Variants in GABRB2 observed in about 807,000 individuals in gnomAD.
GABRB2 encodes the protein gamma-aminobutyric acid receptor subunit beta-2.
In GABRB2, 16 loss-of-function variants were observed where a neutral mutation model predicts 54.7. The ratio of observed to expected loss-of-function variants is 0.29; its 90% CI spans 0.20 to 0.44. The LOEUF (loss-of-function observed/expected upper bound fraction) is 0.44. GABRB2 is among the 20% of genes least tolerant of loss of function. GABRB2 has a pLI of 1.00. For synonymous variants in GABRB2, 244 were observed against 233.8 expected (o/e 1.04, Z -0.40); for missense variants, 355 against 644.0 (o/e 0.55, Z 4.86).
intron 3 of GABRB2, among the ~76,000 whole-genome samples, chr5:161,493,294 G>C (rs1299992388): frequency 6.6e-6 from 1 of 151,564 alleles, no homozygotes; most frequent in East Asian, 1.9e-4. Flanking sequence ...TGATACAAAT[G>C]AGATGCTTAG....
At chr5:161,364,918 A>T (rs1021753446) in intron 5 of GABRB2, among the ~76,000 whole-genome samples, 7 of 152,044 alleles carry the variant, frequency 4.6e-5, no homozygotes, top group African/African-American at 7.2e-5. Flanking sequence ...TAATTAAGAA[A>T]TTTTTTTCTG....
intron 4 of GABRB2, among the ~76,000 whole-genome samples, chr5:161,420,490 C>A (rs1271983476): frequency 3.3e-5 from 5 of 152,180 alleles, no homozygotes; most frequent in African/African-American, 1.2e-4. Flanking sequence ...GGCTTCAGGG[C>A]AGATGTGGCC....
At chr5:161,500,757 C>T (rs375312553) in intron 3 of GABRB2, among the ~76,000 whole-genome samples, 1 of 152,102 alleles carries the variant, frequency 6.6e-6, no homozygotes, top group Non-Finnish European at 1.5e-5. Context: ...TGTTTCCAAA[C>T]ATAACAGGCA....
chr5:161,468,283 C>T (rs1354697965), intron 3 of GABRB2, among the ~76,000 whole-genome samples: 4 of 152,058 alleles, frequency 2.6e-5, no homozygotes, highest in African/African-American at 9.7e-5. Flanking sequence ...GCCTATGTAA[C>T]CTGGATTCTG....
chr5:161,495,462 A>C (rs80332383), intron 3 of GABRB2, among the ~76,000 whole-genome samples: 2,898 of 152,124 alleles, frequency 0.019, 41 homozygotes, highest in Non-Finnish European at 0.03. Flanking sequence ...CTTCTATTTC[A>C]CTGATTTTAA....
At chr5:161,334,090 G>A (rs532834499) in intron 7 of GABRB2, among the ~76,000 whole-genome samples, 2 of 152,148 alleles carry the variant, frequency 1.3e-5, no homozygotes, top group Non-Finnish European at 2.9e-5. Flanking sequence ...GAGATCTAAT[G>A]GTAAAAGTGA....
intron 4 of GABRB2, among the ~76,000 whole-genome samples, chr5:161,451,370 A>G (rs909112537): frequency 2.0e-5 from 3 of 152,148 alleles, no homozygotes; most frequent in Non-Finnish European, 4.4e-5. Flanking sequence ...AAGACAAACA[A>G]TTGTTTTTAG....
intron 3 of GABRB2, among the ~76,000 whole-genome samples, chr5:161,505,654 C>G (rs1397216162): frequency 6.6e-6 from 1 of 152,144 alleles, no homozygotes; most frequent in Non-Finnish European, 1.5e-5. Context: ...TCAGTTAATA[C>G]ATTTCCGTGA....
chr5:161,510,562 A>G (rs72813602), intron 3 of GABRB2, among the ~76,000 whole-genome samples: 10,625 of 151,956 alleles, frequency 0.07, 537 homozygotes, highest in Middle Eastern at 0.096. Flanking sequence ...ATCTTTTATT[A>G]CATAGCATTT....
intron 3 of GABRB2, among the ~76,000 whole-genome samples, chr5:161,477,400 G>A (rs1333662079): frequency 6.6e-6 from 1 of 151,588 alleles, no homozygotes; most frequent in Admixed American, 6.6e-5. Context: ...CAGTATGGCT[G>A]TTCCTAAAAA....
intron 5 of GABRB2, among the ~76,000 whole-genome samples, chr5:161,341,971 A>ATATG (rs1326417978): frequency 7.9e-4 from 21 of 26,640 alleles, no homozygotes; most frequent in African/African-American, 1.4e-3. Context: ...ATATATATAC[A>ATATG]TACTTTATTA....
chr5:161,418,800 A>T (rs767777993), intron 4 of GABRB2, among the ~76,000 whole-genome samples: 4 of 152,180 alleles, frequency 2.6e-5, no homozygotes, highest in Non-Finnish European at 5.9e-5. Context: ...AAGAAAAAAA[A>T]TAACATCATT....
intron 3 of GABRB2, among the ~76,000 whole-genome samples, chr5:161,470,115 T>G (rs903660889): frequency 8.6e-5 from 13 of 151,782 alleles, no homozygotes; most frequent in African/African-American, 3.1e-4. Flanking sequence ...CTTTCCTGTC[T>G]ATCCAAACCC....
At chr5:161,513,199 T>G (rs564697822) in intron 3 of GABRB2, among the ~76,000 whole-genome samples, 1 of 152,108 alleles carries the variant, frequency 6.6e-6, no homozygotes, top group Admixed American at 6.6e-5. Flanking sequence ...AAGAACTACT[T>G]AAGCTACTTA....
intron 4 of GABRB2, among the ~76,000 whole-genome samples, chr5:161,437,908 G>A (rs1280490779): frequency 1.3e-5 from 2 of 152,186 alleles, no homozygotes; most frequent in Non-Finnish European, 2.9e-5. Flanking sequence ...GACTTCTAAG[G>A]TTTTTGGCTC....
chr5:161,318,014 T>A, intron 9 of GABRB2, among the ~76,000 whole-genome samples: 1 of 152,018 alleles, frequency 6.6e-6, no homozygotes, highest in East Asian at 1.9e-4. Flanking sequence ...GTTATATATA[T>A]GAAAAACTTG....
In GABRB2 at chr5:161,373,960, T is replaced by C. The variant is rs79087130; in HGVS notation, c.541+37015A>G. Among the ~76,000 whole-genome samples the C allele has an allele frequency of 2.4e-3, 360 of 152,270 alleles. 2 individuals carry two copies. The highest frequency in any genetic ancestry group is 7.2e-3 in the African/African-American group (299 of 41,562). ...TTTATTTTATTAATTTTATTTTTGT[T>C]GAGACTGAGTTTTGCTCGTGTTGCC... On this transcript the variant is annotated intron_variant, in intron 5 of 9. Transcript: ENST00000393959.
intron 9 of GABRB2, among the ~76,000 whole-genome samples, chr5:161,297,313 G>T (rs1757406529): frequency 6.6e-6 from 1 of 152,052 alleles, no homozygotes; most frequent in African/African-American, 2.4e-5. Flanking sequence ...ATTAAGTTCT[G>T]GGACACATGT....
intron 9 of GABRB2, among the ~76,000 whole-genome samples, chr5:161,311,946 G>C (rs907967096): frequency 3.3e-5 from 5 of 152,044 alleles, no homozygotes; most frequent in Non-Finnish European, 7.4e-5. Context: ...CAAGAACCTT[G>C]GTTACCTCTC....
Sources: allele counts gnomAD v4.1 joint callset (sites outside exome capture counted in the v4.1 genomes callset), GRCh38; gene constraint gnomAD v4.1.1; transcripts MANE v1.5; gene names NCBI Gene and HGNC (gene_info 2026-07-23, HGNC 2026-07-21).